The following ST18 variants were observed in gnomAD, a reference collection of about 807,000 sequenced individuals.
The protein encoded by ST18 is ST18 C2H2C-type zinc finger transcription factor, also known as suppression of tumorigenicity 18 protein.
Under a neutral mutation model 110.0 loss-of-function variants are expected in ST18, and 50 were observed. The observed-to-expected ratio is 0.45, with a 90% confidence interval of 0.36 to 0.58. ST18 has a LOEUF of 0.58. Among genes scored for constraint, ST18 ranks in the 20% least tolerant of loss-of-function variants. ST18 has a pLI of 0.00. For synonymous variants in ST18, 461 were observed against 452.4 expected (o/e 1.02, Z -0.24); for missense variants, 1,306 against 1,280.1 (o/e 1.02, Z -0.31).
rs181322200 is a variant in ST18 at position 52,149,814 on chromosome 8, T to C, written c.1970A>G (p.Tyr657Cys). Reference protein sequence around the residue: ...TSSILVNAAFYQALCDQEGWD... With the variant: ...TSSILVNAAFCQALCDQEGWD... ...GCCCTCTTGGTCACAAAGAGCCTGA[T>C]AGAATGCTGCATTGACCAGAATGCT... The change falls in exon 16 of 26, where the codon TAT (tyrosine) becomes TGT (cysteine). Residue 657 changes from tyrosine (Y) to cysteine (C), a missense_variant. Tyr to Cys is a radical substitution (Grantham distance 194). Coordinates refer to ENST00000689386, the MANE Select transcript of ST18 (RefSeq NM_001352837.2). 4.3e-4 allele frequency: 698 copies of C among 1,614,184 alleles called. No homozygotes were observed. The highest frequency in any genetic ancestry group is 5.7e-4 in the Non-Finnish European group (669 of 1,180,022).
At chr8:52,147,829 A>T (rs993103064) in intron 16 of ST18, among the ~76,000 whole-genome samples, 2 of 152,124 alleles carry the variant, frequency 1.3e-5, no homozygotes, top group Admixed American at 6.6e-5. Context: ...CTGGCTGGAG[A>T]TTAAGCAGTC....
Position 52,200,394 on chromosome 8 carries a change from C to T in ST18, c.86+11685G>A, listed in dbSNP as rs549691637. ...CTGGTGCAAGTGAGCATGTGAGACT[C>T]GCAGCTGTGCGGGGAACAACATTCC... On this transcript the variant is annotated intron_variant, in intron 8 of 25. Coordinates refer to ENST00000689386, the MANE Select transcript of ST18 (RefSeq NM_001352837.2). Among the ~76,000 whole-genome samples the T allele has an allele frequency of 1.3e-3, 193 of 152,302 alleles. 2 individuals are homozygous for T. Among genetic ancestry groups the T allele is most frequent in the African/African-American group, 3.9e-3 (161 of 41,570 alleles).
At chr8:52,218,048 C>T (rs1038234439) in intron 5 of ST18, 147 bp from the exon 6 acceptor site, 2 of 152,002 alleles carry the variant, frequency 1.3e-5, no homozygotes, top group Non-Finnish European at 2.9e-5. Flanking sequence ...TCTATTTTAA[C>T]CTAATGGCAA....
At chr8:52,267,412 G>A (rs1463536597) in intron 2 of ST18, among the ~76,000 whole-genome samples, 2 of 150,280 alleles carry the variant, frequency 1.3e-5, no homozygotes, top group African/African-American at 4.9e-5. Flanking sequence ...GAAATTTGCA[G>A]GAGAAGATAT....
At chr8:52,128,749 T>G (rs1446754073) in intron 22 of ST18, among the ~76,000 whole-genome samples, 1 of 152,192 alleles carries the variant, frequency 6.6e-6, no homozygotes, top group Non-Finnish European at 1.5e-5. Flanking sequence ...GGGGTGACAC[T>G]GGCTTTCACG....
chr8:52,394,069 C>G (rs1395567631), intron 2 of ST18, among the ~76,000 whole-genome samples: 1 of 152,124 alleles, frequency 6.6e-6, no homozygotes, highest in African/African-American at 2.4e-5. Flanking sequence ...CACAGATCTA[C>G]AGCAACGCCC....
intron 2 of ST18, among the ~76,000 whole-genome samples, chr8:52,381,329 A>T (rs1237020314): frequency 6.6e-6 from 1 of 152,182 alleles, no homozygotes. Context: ...CAACAAAGAC[A>T]GTCGGCACCA....
rs114594907 is a variant in ST18, at chr8:52,160,326, G to T, written c.1594+1049C>A. On this transcript the variant is annotated intron_variant, in intron 14 of 25. Transcript: ENST00000689386. ...TTGGAAGCTATTTTTGGTAAGATTA[G>T]GTAAAATATCTTTTAGAATGTAATG... 2.1e-3 allele frequency among the ~76,000 whole-genome samples: 313 copies of T among 152,210 alleles called. 2 individuals are homozygous for T. Among genetic ancestry groups the T allele is most frequent in the African/African-American group, 7.2e-3 (300 of 41,546 alleles).
Position 52,113,076 on chromosome 8 carries a change from A to C in ST18, c.*122T>G. On this transcript the variant is annotated 3_prime_UTR_variant, in exon 26 of 26. Coordinates refer to ENST00000689386, the MANE Select transcript of ST18 (RefSeq NM_001352837.2). ...CAGCTGGGGAAAATAAAATTAGTGC[A>C]ATGTTGCAAATTGTAAATGCAGTAC... The C allele has an allele frequency of 1.8e-6, 2 of 1,125,512 alleles. No individual in the cohort carries two copies. Among genetic ancestry groups the C allele is most frequent in the South Asian group, 4.8e-5 (2 of 41,272 alleles). The allele number at this position is 1,125,512 out of a possible 1,614,324, so 69.7% of individuals were successfully genotyped here.
chr8:52,283,825 C>T (rs1280079173), intron 2 of ST18, among the ~76,000 whole-genome samples: 1 of 152,172 alleles, frequency 6.6e-6, no homozygotes, highest in Non-Finnish European at 1.5e-5. Context: ...TTTGCAATTT[C>T]TTTGGTAAAA....
chr8:52,330,043 T>C (rs1240553982), intron 2 of ST18, among the ~76,000 whole-genome samples: 1 of 152,212 alleles, frequency 6.6e-6, no homozygotes, highest in Admixed American at 6.5e-5. Context: ...GAGCCCAGAA[T>C]ATCTCAGGAC....
intron 21 of ST18, among the ~76,000 whole-genome samples, chr8:52,132,503 A>G (rs550455928): frequency 2.0e-5 from 3 of 152,342 alleles, no homozygotes; most frequent in South Asian, 2.1e-4. Context: ...TCTAGAGCCA[A>G]CCACATAAGG....
At chr8:52,336,209 C>T (rs1811983707) in intron 2 of ST18, among the ~76,000 whole-genome samples, 1 of 152,050 alleles carries the variant, frequency 6.6e-6, no homozygotes, top group Non-Finnish European at 1.5e-5. Flanking sequence ...AGGGCAATGC[C>T]ACAATCTCGG....
chr8:52,277,286 A>G (rs947540481), intron 2 of ST18, among the ~76,000 whole-genome samples: 1 of 151,338 alleles, frequency 6.6e-6, no homozygotes, highest in Non-Finnish European at 1.5e-5. Context: ...TCTCACATCC[A>G]CTCCTGCTCA....
chr8:52,357,814 A>G (rs548187326), intron 2 of ST18, among the ~76,000 whole-genome samples: 147 of 148,436 alleles, frequency 9.9e-4, no homozygotes, highest in African/African-American at 3.4e-3. Context: ...TAGATCCATA[A>G]GGAAATAGAG....
chr8:52,115,638 TGC>T (rs935280643), intron 25 of ST18, among the ~76,000 whole-genome samples: 1 of 152,220 alleles, frequency 6.6e-6, no homozygotes, highest in African/African-American at 2.4e-5. Context: ...CATCTGGGTT[TGC>T]GAAAGTTCAC....
chr8:52,262,761 G>C (rs956091978), intron 2 of ST18, among the ~76,000 whole-genome samples: 2 of 152,148 alleles, frequency 1.3e-5, no homozygotes, highest in African/African-American at 4.8e-5. Flanking sequence ...TTTGCCCAAG[G>C]CTGCCTTTGC....
intron 3 of ST18, 194 bp downstream of exon 3, chr8:52,229,838 T>G (rs889834562): frequency 6.6e-6 from 1 of 152,162 alleles, no homozygotes; most frequent in Non-Finnish European, 1.5e-5. Flanking sequence ...GATGAACAGG[T>G]GTAAACACTC....
At position 52,111,312 on chromosome 8, in the gene ST18, A is replaced by C. The variant is rs892545160; in HGVS notation, c.*1886T>G. On this transcript the variant is annotated 3_prime_UTR_variant, in exon 26 of 26. Transcript: ENST00000689386. ...TGTATGCATCTATGAAGTACTGTAT[A>C]GCAAAATGTTTGCAAGTACACAACT... 3.7e-5 allele frequency: 9 copies of C among 241,344 alleles called. No individual in the cohort carries two copies. The highest frequency in any genetic ancestry group is 1.8e-4 in the African/African-American group (8 of 45,190). The allele number at this position is 241,344 out of a possible 1,614,324, so 15.0% of individuals were successfully genotyped here.
Sources: gnomAD v4.1 joint callset for allele counts (sites outside exome capture counted in the v4.1 genomes callset) on GRCh38, gnomAD v4.1.1 for gene constraint, MANE v1.5 for transcripts, NCBI Gene and HGNC (gene_info 2026-07-23, HGNC 2026-07-21) for gene names.